The following CC2D2B variants were observed in gnomAD, a reference collection of about 807,000 sequenced individuals.
CC2D2B encodes coiled-coil and C2 domain containing 2B, also known as protein CC2D2B.
A neutral mutation model predicts 161.2 loss-of-function variants in CC2D2B; 128 were observed. The observed-to-expected ratio is 0.79, with a 90% CI of 0.69 to 0.92. CC2D2B has a LOEUF of 0.92. Ranked by LOEUF, CC2D2B falls within the 40% of genes least tolerant of loss-of-function variation. CC2D2B has a pLI of 0.00. For missense variants in CC2D2B, 1,173 were observed against 1,375.1 expected (o/e 0.85, Z 2.32); for synonymous variants, 391 against 449.8 (o/e 0.87, Z 1.65).
At chr10:95,940,424 C>T (rs1280882592) in intron 9 of CC2D2B, among the ~76,000 whole-genome samples, 1 of 152,046 alleles carries the variant, frequency 6.6e-6, no homozygotes, top group African/African-American at 2.4e-5. Flanking sequence ...TTTTCTTTTT[C>T]TTTAGGGTTA....
intron 12 of CC2D2B, among the ~76,000 whole-genome samples, chr10:95,963,175 C>T (rs1227660891): frequency 6.6e-6 from 1 of 152,142 alleles, no homozygotes; most frequent in Non-Finnish European, 1.5e-5. Context: ...GCCCCAGTGA[C>T]CCTAAATTGG....
intron 11 of CC2D2B, among the ~76,000 whole-genome samples, chr10:95,957,919 A>T (rs189054735): frequency 0.019 from 2,812 of 151,908 alleles, 36 homozygotes; most frequent in Middle Eastern, 0.054. Flanking sequence ...GGAAAGGAGG[A>T]CAATGTGATT....
intron 32 of CC2D2B, among the ~76,000 whole-genome samples, chr10:96,023,672 C>T (rs1401273719): frequency 6.6e-6 from 1 of 152,190 alleles, no homozygotes; most frequent in Non-Finnish European, 1.5e-5. Context: ...TCATCCTTCC[C>T]TTCCTCAGTA....
chr10:96,030,818 G>A (rs1475161841), intron 34 of CC2D2B, among the ~76,000 whole-genome samples: 2 of 152,124 alleles, frequency 1.3e-5, no homozygotes, highest in African/African-American at 4.8e-5. Context: ...GGTTTAAAAT[G>A]TGGAGTACCT....
intron 10 of CC2D2B, among the ~76,000 whole-genome samples, chr10:95,953,739 G>A (rs375675362): frequency 1.3e-5 from 2 of 152,058 alleles, no homozygotes; most frequent in Non-Finnish European, 1.5e-5. Flanking sequence ...TTGGTGTCTC[G>A]ATGATATTAT....
rs2141374964 is a variant in CC2D2B, at chr10:95,955,419, A to G, written c.1037A>G (p.Lys346Arg). 2.5e-6 allele frequency: 1 copy of G among 398,424 alleles called. No individual in the cohort carries two copies. The highest frequency in any genetic ancestry group is 4.4e-6 in the Non-Finnish European group (1 of 225,638). 24.7% of individuals were successfully genotyped at this position (398,424 alleles called of 1,614,324 possible). A position where few individuals can be genotyped will look rare whatever the true frequency, so the allele number is the denominator to read the frequency against. ...CTGAAAGCACTGACAGATGCTACCA[A>G]ATTGTCAAATGAAAATTCAGAAATT... ...EKLKALTDAT[K>R]LSNENSEINQ... Residue 346 changes from lysine to arginine, a missense_variant, in exon 11 of 35, where the codon AAA becomes AGA. Coordinates refer to ENST00000646931, the MANE Select transcript of CC2D2B (RefSeq NM_001349008.3).
At chr10:95,960,394 C>T (rs1480187531) in intron 11 of CC2D2B, among the ~76,000 whole-genome samples, 1 of 152,086 alleles carries the variant, frequency 6.6e-6, no homozygotes, top group Non-Finnish European at 1.5e-5. Context: ...TGACTTATTA[C>T]AAGTGTGATG....
intron 2 of CC2D2B, among the ~76,000 whole-genome samples, chr10:95,916,640 A>G (rs1026987512): frequency 6.6e-6 from 1 of 151,930 alleles, no homozygotes; most frequent in African/African-American, 2.4e-5. Context: ...TAATTTCTTC[A>G]TTGAGCCACT....
At chr10:96,008,118 G>C (rs970063597) in intron 25 of CC2D2B, among the ~76,000 whole-genome samples, 5 of 142,858 alleles carry the variant, frequency 3.5e-5, no homozygotes, top group Admixed American at 3.5e-4. Flanking sequence ...TGTCACTATC[G>C]TTTCTATTTT....
Position 96,019,768 on chromosome 10 carries a change from T to C in CC2D2B, c.3832T>C (p.Phe1278Leu). The C allele has an allele frequency of 6.2e-7, 1 of 1,604,244 alleles. No homozygotes were observed. Among genetic ancestry groups the C allele is most frequent in the Non-Finnish European group, 8.5e-7 (1 of 1,177,322 alleles). The change falls in exon 32 of 35, where the codon TTC (phenylalanine) becomes CTC (leucine). Residue 1278 changes from phenylalanine to leucine, a missense_variant. Around this residue, in one of 3 missense-constraint regions of CC2D2B, gnomAD observed 598 missense variants for 693.2 expected, o/e 0.86. Coordinates refer to ENST00000646931, the MANE Select transcript of CC2D2B (RefSeq NM_001349008.3). ...AVFFDYSKES[F>L]WKQLLPKNVQ... ...ATTTTTTGACTATTCAAAGGAAAGT[T>C]TCTGGAAGCAGTTGCTTCCAAAAAA...
At chr10:96,000,386 C>T (rs1334827025) in intron 24 of CC2D2B, 10 of 304,316 alleles carry the variant, frequency 3.3e-5, no homozygotes, top group Non-Finnish European at 4.8e-5. Flanking sequence ...ATCTTTGAGG[C>T]GGAGTCTTGC....
chr10:95,932,413 A>G (rs1313159038), intron 6 of CC2D2B, among the ~76,000 whole-genome samples: 1 of 152,134 alleles, frequency 6.6e-6, no homozygotes, highest in Non-Finnish European at 1.5e-5. Flanking sequence ...TGAATCTGAT[A>G]CTGTCATTAC....
In CC2D2B at chr10:95,992,771, A is replaced by G. The variant is rs191386925; in HGVS notation, c.2642+74A>G. 1.5e-4 allele frequency: 148 copies of G among 1,011,316 alleles called. 1 individual carries two copies. The South Asian group carries it at 5.5e-3, about 37-fold the overall frequency. 62.6% of individuals were successfully genotyped at this position (1,011,316 alleles called of 1,614,324 possible). A position where few individuals can be genotyped will look rare whatever the true frequency, so the allele number is the denominator to read the frequency against. On this transcript the variant is annotated intron_variant, in intron 22 of 34. Coordinates refer to ENST00000646931, the MANE Select transcript of CC2D2B (RefSeq NM_001349008.3). ...ATGTGAGAATTCTCCATGCTGTTCT[A>G]TTTGTAAACCTTTGCACTTTGTTAA... is the stretch of plus-strand genomic sequence containing the variant.
chr10:95,974,608 G>A (rs1010602555), intron 17 of CC2D2B, among the ~76,000 whole-genome samples: 2 of 152,072 alleles, frequency 1.3e-5, no homozygotes, highest in Non-Finnish European at 2.9e-5. Context: ...TGATAATGCT[G>A]GCTTCCATAA....
At chr10:96,000,077 TA>T in intron 24 of CC2D2B, 1 of 1,489,750 alleles carries the variant, frequency 6.7e-7, no homozygotes, top group South Asian at 1.2e-5. Context: ...TTTGCCGTGG[TA>T]ACACCTGTGG....
At chr10:96,005,679 A>C (rs918186243) in intron 25 of CC2D2B, among the ~76,000 whole-genome samples, 3 of 152,114 alleles carry the variant, frequency 2.0e-5, no homozygotes, top group African/African-American at 7.2e-5. Context: ...AAAGCTGAAG[A>C]ATTGGAACTC....
chr10:95,927,688 TTC>T (rs1282804744), intron 6 of CC2D2B, among the ~76,000 whole-genome samples: 1 of 151,194 alleles, frequency 6.6e-6, no homozygotes, highest in Non-Finnish European at 1.5e-5. Flanking sequence ...GTTTTCTTTT[TTC>T]TTTCTTTCTT....
At chr10:95,959,876 T>C (rs2076702761) in intron 11 of CC2D2B, among the ~76,000 whole-genome samples, 1 of 152,212 alleles carries the variant, frequency 6.6e-6, no homozygotes, top group Admixed American at 6.5e-5. Context: ...ATTATTAGCC[T>C]ATTAGGCAAA....
At chr10:95,933,863 G>A (rs1463101565) in intron 6 of CC2D2B, among the ~76,000 whole-genome samples, 1 of 152,200 alleles carries the variant, frequency 6.6e-6, no homozygotes, top group Non-Finnish European at 1.5e-5. Flanking sequence ...AGGGGTCAGG[G>A]AACCACTTGA....
Sources: gnomAD v4.1 joint callset for allele counts (sites outside exome capture counted in the v4.1 genomes callset) on GRCh38, gnomAD v4.1.1 for gene constraint, gnomAD v4.1.1 regional missense constraint, MANE v1.5 for transcripts, NCBI Gene and HGNC (gene_info 2026-07-23, HGNC 2026-07-21) for gene names.